Variants in ADGRB3 observed in about 807,000 individuals in gnomAD.
ADGRB3 encodes brain-specific angiogenesis inhibitor 3.
Under a neutral mutation model 193.4 loss-of-function variants are expected in ADGRB3, and 37 were observed. The ratio of observed to expected loss-of-function variants is 0.19; its 90% confidence interval spans 0.15 to 0.25. The LOEUF (loss-of-function observed/expected upper bound fraction) is 0.25. Among genes scored for constraint, ADGRB3 ranks in the 10% least tolerant of loss-of-function variants. The probability of loss-of-function intolerance (pLI) is 1.00; values close to 1 mark genes in which losing one functional copy is unlikely to be tolerated. For missense variants in ADGRB3, 1,637 were observed against 1,852.9 expected (o/e 0.88, Z 2.14); for synonymous variants, 690 against 644.2 (o/e 1.07, Z -1.08).
At chr6:68,980,777 G>A (rs1052487985) in intron 10 of ADGRB3, among the ~76,000 whole-genome samples, 1 of 151,348 alleles carries the variant, frequency 6.6e-6, no homozygotes, top group Non-Finnish European at 1.5e-5. Context: ...TGTGAGACAG[G>A]AGTTACCTGT....
intron 13 of ADGRB3, among the ~76,000 whole-genome samples, chr6:69,043,282 A>AG (rs1771126187): frequency 7.9e-6 from 1 of 127,124 alleles, no homozygotes; most frequent in African/African-American, 3.0e-5. Flanking sequence ...AAAGGAAAGG[A>AG]AGAAAGAGAG....
At chr6:68,718,578 T>C (rs1417407455) in intron 3 of ADGRB3, among the ~76,000 whole-genome samples, 1 of 151,776 alleles carries the variant, frequency 6.6e-6, no homozygotes, top group Non-Finnish European at 1.5e-5. Context: ...CTTCTCTCCA[T>C]ATTTACTTAT....
intron 3 of ADGRB3, among the ~76,000 whole-genome samples, chr6:68,884,289 A>T (rs992955822): frequency 2.4e-4 from 37 of 152,298 alleles, no homozygotes; most frequent in Non-Finnish European, 1.8e-4. Flanking sequence ...TCCTTTGCTC[A>T]TGGGCTCAGG....
At chr6:69,065,074 G>A (rs1771861032) in intron 16 of ADGRB3, among the ~76,000 whole-genome samples, 1 of 152,122 alleles carries the variant, frequency 6.6e-6, no homozygotes, top group African/African-American at 2.4e-5. Flanking sequence ...ATGTAAGAAT[G>A]ATGAGATAAT....
chr6:68,778,532 G>C (rs745707459), intron 3 of ADGRB3, among the ~76,000 whole-genome samples: 32 of 152,084 alleles, frequency 2.1e-4, no homozygotes, highest in Non-Finnish European at 3.8e-4. Flanking sequence ...TTTTGTAGAT[G>C]TGTTTTCAAC....
intron 11 of ADGRB3, among the ~76,000 whole-genome samples, chr6:69,009,844 T>G (rs1037203115): frequency 4.6e-5 from 7 of 152,030 alleles, no homozygotes; most frequent in Non-Finnish European, 8.8e-5. Flanking sequence ...GTGGCTGAAA[T>G]TGCTAGCCTA....
intron 28 of ADGRB3, among the ~76,000 whole-genome samples, chr6:69,359,054 A>G (rs906565205): frequency 2.0e-5 from 3 of 151,764 alleles, no homozygotes; most frequent in African/African-American, 7.2e-5. Context: ...TATAGAGTCA[A>G]TACACAGTAC....
chr6:69,387,833 T>G (rs962847283), intron 31 of ADGRB3, among the ~76,000 whole-genome samples: 1 of 152,114 alleles, frequency 6.6e-6, no homozygotes, highest in Non-Finnish European at 1.5e-5. Context: ...TTGATTATAA[T>G]CAGTTAAACG....
At chr6:69,146,825 T>C (rs1205163024) in intron 17 of ADGRB3, among the ~76,000 whole-genome samples, 6 of 116,266 alleles carry the variant, frequency 5.2e-5, no homozygotes, top group Non-Finnish European at 1.2e-4. Flanking sequence ...TTACTTCTTT[T>C]TTTTTTTTTT....
intron 3 of ADGRB3, among the ~76,000 whole-genome samples, chr6:68,817,128 C>T (rs922970431): frequency 1.3e-5 from 2 of 151,468 alleles, no homozygotes; most frequent in African/African-American, 4.8e-5. Flanking sequence ...ACTTACTCAG[C>T]ACCAGCACCC....
Position 69,069,801 on chromosome 6 carries a change from G to T in ADGRB3, c.2437-6194G>T, listed in dbSNP as rs188908940. Among the ~76,000 whole-genome samples the T allele has an allele frequency of 4.8e-4, 72 of 150,464 alleles. No homozygotes were observed. The East Asian group carries it at 0.012, about 24-fold the overall frequency. ...TGAACAAAATATGAATTAGTCTTTT[G>T]CAGATCCAGTTAGGCAAATTGGAAA... is the stretch of plus-strand genomic sequence containing the variant. On this transcript the variant is annotated intron_variant, in intron 16 of 31. Transcript: ENST00000370598.
At chr6:69,343,185 C>CTT (rs766250959) in intron 26 of ADGRB3, among the ~76,000 whole-genome samples, 14 of 133,744 alleles carry the variant, frequency 1.0e-4, no homozygotes, top group Non-Finnish European at 2.3e-4. Flanking sequence ...CTTTGTAATT[C>CTT]TTTTTTTTTT....
At chr6:69,234,581 A>G (rs1766220680) in intron 18 of ADGRB3, among the ~76,000 whole-genome samples, 1 of 152,170 alleles carries the variant, frequency 6.6e-6, no homozygotes, top group South Asian at 2.1e-4. Flanking sequence ...ATATCTATAT[A>G]CCAGATATAG....
At chr6:69,327,965 G>T (rs958479481) in intron 22 of ADGRB3, 76 bp downstream of exon 22, 59 of 1,306,422 alleles carry the variant, frequency 4.5e-5, no homozygotes, top group Non-Finnish European at 5.9e-5. Context: ...CACTGCTGAT[G>T]GCTTGCAGTT....
chr6:69,192,195 C>A (rs968960673), intron 17 of ADGRB3, among the ~76,000 whole-genome samples: 64 of 152,216 alleles, frequency 4.2e-4, no homozygotes, highest in African/African-American at 1.5e-3. Context: ...AGTTGGAGAT[C>A]CGAAACCTCA....
intron 3 of ADGRB3, among the ~76,000 whole-genome samples, chr6:68,835,222 G>C (rs142004725): frequency 1.3e-5 from 2 of 152,218 alleles, no homozygotes. Context: ...GCTGCATTCT[G>C]GTGGGGAGGC....
chr6:69,016,030 C>A (rs1438344625), intron 12 of ADGRB3, among the ~76,000 whole-genome samples: 1 of 151,894 alleles, frequency 6.6e-6, no homozygotes, highest in Non-Finnish European at 1.5e-5. Context: ...TGAGCCAAAT[C>A]CAGCTTGAGG....
In ADGRB3 at chr6:69,139,945, C is replaced by CTT. The variant is rs1356125860; in HGVS notation, c.2480+63908_2480+63909insTT. On this transcript the variant is annotated intron_variant, in intron 17 of 31. Transcript: ENST00000370598. ...TAATAAGACCTATAGAAATTAAATG[C>CTT]TCTTACTTCAAGATAGTCTAATTGC... is the stretch of plus-strand genomic sequence containing the variant. 5.9e-5 allele frequency among the ~76,000 whole-genome samples: 9 copies of CTT among 152,278 alleles called. 1 individual carries two copies. In the South Asian group the frequency reaches 1.9e-3, roughly 32 times the overall value.
chr6:69,332,133 T>C (rs1485603473), intron 23 of ADGRB3: 1 of 985,242 alleles, frequency 1.0e-6, no homozygotes, highest in African/African-American at 1.7e-5. Flanking sequence ...AAAGTGTTGG[T>C]AGATTAGAGA....
Sources: gnomAD v4.1 joint callset for allele counts (sites outside exome capture counted in the v4.1 genomes callset) on GRCh38, gnomAD v4.1.1 for gene constraint, MANE v1.5 for transcripts, NCBI Gene and HGNC (gene_info 2026-07-23, HGNC 2026-07-21) for gene names.